FREM3: variants seen among roughly 807,000 people sequenced by gnomAD.
The protein encoded by FREM3 is FRAS1 related extracellular matrix 3.
In FREM3, 105 loss-of-function variants were observed where a neutral mutation model predicts 129.1. The observed-to-expected ratio is 0.81, with a 90% confidence interval of 0.69 to 0.96. The LOEUF is 0.96. Ranked by LOEUF, FREM3 falls within the 40% of genes least tolerant of loss-of-function variation. The pLI is 0.00. For synonymous variants in FREM3, 1,014 were observed against 1,044.9 expected (o/e 0.97, Z 0.57); for missense variants, 2,593 against 2,666.3 (o/e 0.97, Z 0.61).
Position 143,695,534 on chromosome 4 carries a change from G to T in FREM3, c.5142C>A (p.Ile1714=), listed in dbSNP as rs776819822. Residue 1714 remains isoleucine (I), a synonymous_variant, in exon 1 of 8, where the codon ATC becomes ATA. Transcript: ENST00000329798. ...VTRGPEHGFI[I]KTGLGNQSTR... ...TGCTCTGGTTTCCAAGGCCAGTTTT[G>T]ATAATGAAGCCATGCTCTGGTCCTC... 2.2e-5 allele frequency: 34 copies of T among 1,537,348 alleles called. No homozygotes were observed. In the East Asian group the frequency reaches 3.2e-4, roughly 14 times the overall value.
chr4:143,681,334 G>A (rs1486163755), intron 2 of FREM3, among the ~76,000 whole-genome samples: 1 of 151,956 alleles, frequency 6.6e-6, no homozygotes, highest in African/African-American at 2.4e-5. Flanking sequence ...ATTATTATAT[G>A]GTAAGTGGAA....
At chr4:143,611,158 A>G in intron 6 of FREM3, 121 bp downstream of exon 6, 2 of 1,115,874 alleles carry the variant, frequency 1.8e-6, no homozygotes, top group Non-Finnish European at 2.5e-6. Context: ...GTTTTTGGAG[A>G]TAAAAGAACA....
chr4:143,672,639 G>A (rs1740020885), intron 2 of FREM3, among the ~76,000 whole-genome samples: 3 of 152,168 alleles, frequency 2.0e-5, no homozygotes, highest in Admixed American at 2.0e-4. Context: ...ATGTTGGCCT[G>A]TCTGGCTAGG....
Position 143,699,314 on chromosome 4 carries a change from G to A in FREM3, c.1362C>T (p.Thr454=). 6.5e-7 allele frequency: 1 copy of A among 1,537,336 alleles called. No homozygotes were observed. Among genetic ancestry groups the A allele is most frequent in the Non-Finnish European group, 8.7e-7 (1 of 1,146,936 alleles). The change falls in exon 1 of 8, where the codon ACC becomes ACT. Residue 454 remains threonine (T), a synonymous_variant. Coordinates refer to ENST00000329798, the MANE Select transcript of FREM3 (RefSeq NM_001168235.2). This position sits in a 1 kb window ranked among gnomAD's most constrained non-coding sequence, Gnocchi z 4.2. Reference sequence around the variant, plus strand: ...CTTTATCACTGATAGGAATGCTGTGGGTGCTGGACAAGGGCCTTGACTGAC... The same window carrying A: ...CTTTATCACTGATAGGAATGCTGTGAGTGCTGGACAAGGGCCTTGACTGAC... ...FEGQSRPLSS[T]HSIPISDKDN...
intron 2 of FREM3, among the ~76,000 whole-genome samples, chr4:143,687,579 A>G (rs940291136): frequency 5.9e-5 from 9 of 152,230 alleles, no homozygotes; most frequent in Admixed American, 3.9e-4. Flanking sequence ...TTACAGACCA[A>G]TATCCTTGAT....
At chr4:143,620,574 G>A (rs1047065522) in intron 5 of FREM3, among the ~76,000 whole-genome samples, 1 of 152,222 alleles carries the variant, frequency 6.6e-6, no homozygotes, top group Non-Finnish European at 1.5e-5. Context: ...TGGTTGGGGG[G>A]CATCTGTGGT....
intron 7 of FREM3, among the ~76,000 whole-genome samples, chr4:143,582,243 C>T (rs1233120172): frequency 1.3e-5 from 2 of 152,140 alleles, no homozygotes; most frequent in African/African-American, 2.4e-5. Context: ...CCAAGATCTG[C>T]AGCCAGCACT....
chr4:143,691,979 T>C (rs1174361035), intron 2 of FREM3, among the ~76,000 whole-genome samples: 1 of 152,182 alleles, frequency 6.6e-6, no homozygotes, highest in Non-Finnish European at 1.5e-5. Context: ...GGAAGGAAGA[T>C]TTGATTTTAA....
chr4:143,696,426 A>G lies in FREM3; in HGVS notation c.4250T>C (p.Val1417Ala). 1 of 1,537,600 alleles carries G rather than the reference A, an allele frequency of 6.5e-7. No individual in the cohort carries two copies. Residue 1417 changes from valine to alanine, a missense_variant, in exon 1 of 8, where the codon GTC (valine) becomes GCC (alanine). Val to Ala is a moderately conservative substitution (Grantham distance 64). Coordinates refer to ENST00000329798, the MANE Select transcript of FREM3 (RefSeq NM_001168235.2). ...GACGCTGTCTAAGTTGCCAATGGTG[A>G]CATAGAAGTAGTGGTCTGTCAAAGT... ...VNTLTDHYFY[V>A]TIGNLDSVFP...
At position 143,696,661 on chromosome 4, in the gene FREM3, C is replaced by G; in HGVS notation, c.4015G>C (p.Asp1339His). Residue 1339 changes from aspartate (D) to histidine (H), a missense_variant, in exon 1 of 8, where the codon GAT becomes CAT. Transcript: ENST00000329798. ...ILKATDLDSD[D>H]KSLSFVLHSG... ...TGGAGGACAAAACTGAGGCTTTTAT[C>G]ATCTGAGTCAAGATCTGTGGCCTTG... 2 of 1,537,888 alleles carry G rather than the reference C, an allele frequency of 1.3e-6. No homozygotes were observed. The highest frequency in any genetic ancestry group is 1.7e-6 in the Non-Finnish European group (2 of 1,147,054).
At chr4:143,678,559 T>C (rs1429065705) in intron 2 of FREM3, among the ~76,000 whole-genome samples, 2 of 151,682 alleles carry the variant, frequency 1.3e-5, no homozygotes, top group African/African-American at 4.8e-5. Context: ...TATATATATG[T>C]AAAAAGAAGA....
At chr4:143,679,894 C>T (rs1470399343) in intron 2 of FREM3, among the ~76,000 whole-genome samples, 1 of 152,080 alleles carries the variant, frequency 6.6e-6, no homozygotes, top group Non-Finnish European at 1.5e-5. Flanking sequence ...AGATAAATCG[C>T]CCTGATTCTC....
At chr4:143,681,523 A>T (rs1275146950) in intron 2 of FREM3, among the ~76,000 whole-genome samples, 2 of 152,158 alleles carry the variant, frequency 1.3e-5, no homozygotes, top group East Asian at 3.8e-4. Flanking sequence ...TGGCTTTCAT[A>T]GTAACCTTGA....
intron 2 of FREM3, among the ~76,000 whole-genome samples, chr4:143,676,357 A>T (rs1380184162): frequency 2.0e-5 from 3 of 152,080 alleles, no homozygotes; most frequent in African/African-American, 7.2e-5. Flanking sequence ...CATGCTAAAA[A>T]CTCTCAGTAA....
At chr4:143,693,234 TA>T in intron 1 of FREM3, 32 bp from the exon 2 acceptor site, 1 of 1,170,228 alleles carries the variant, frequency 8.5e-7, no homozygotes, top group Non-Finnish European at 1.2e-6. Context: ...CACAAAGTCA[TA>T]TTGGCACAAA....
At chr4:143,641,059 T>C (rs1739313847) in intron 2 of FREM3, among the ~76,000 whole-genome samples, 1 of 152,142 alleles carries the variant, frequency 6.6e-6, no homozygotes, top group African/African-American at 2.4e-5. Flanking sequence ...AAACACCTGG[T>C]CCCAATCAAA....
At chr4:143,659,689 G>GTCA (rs146357692) in intron 2 of FREM3, among the ~76,000 whole-genome samples, 24 of 16,230 alleles carry the variant, frequency 1.5e-3, no homozygotes, top group Non-Finnish European at 3.1e-3. Context: ...CTAGTTTACA[G>GTCA]TCCCACCAAC....
chr4:143,643,604 T>A (rs1043840698), intron 2 of FREM3, among the ~76,000 whole-genome samples: 5 of 152,096 alleles, frequency 3.3e-5, no homozygotes, highest in Middle Eastern at 6.8e-3. Flanking sequence ...GATTTTTTTT[T>A]AAAAGTTGGT....
chr4:143,589,031 A>G (rs1738302562), intron 6 of FREM3, among the ~76,000 whole-genome samples: 1 of 152,102 alleles, frequency 6.6e-6, no homozygotes. Flanking sequence ...TTTTGGCTGC[A>G]TAAATGTCTT....
Sources: gnomAD v4.1 joint callset for allele counts (sites outside exome capture counted in the v4.1 genomes callset) on GRCh38, gnomAD v4.1.1 for gene constraint, Gnocchi (gnomAD v3.1) non-coding constraint, MANE v1.5 for transcripts, NCBI Gene and HGNC (gene_info 2026-07-23, HGNC 2026-07-21) for gene names.